ELMO1: variants seen among roughly 807,000 people sequenced by gnomAD.
The protein encoded by ELMO1 is engulfment and cell motility 1.
A neutral mutation model predicts 98.9 loss-of-function variants in ELMO1; 26 were observed. The ratio of observed to expected loss-of-function variants is 0.26; its 90% CI spans 0.19 to 0.36. The LOEUF (loss-of-function observed/expected upper bound fraction) is 0.36. ELMO1 is among the 10% of genes least tolerant of loss of function. The pLI is 1.00. For synonymous variants in ELMO1, 346 were observed against 346.0 expected (o/e 1.00, Z 0.00); for missense variants, 627 against 935.2 (o/e 0.67, Z 4.30).
chr7:37,398,316 T>G (rs78541951), intron 1 of ELMO1, among the ~76,000 whole-genome samples: 14,500 of 152,232 alleles, frequency 0.095, 751 homozygotes, highest in Non-Finnish European at 0.11. Context: ...CCTTCCTATC[T>G]TCAAAAACAT....
At chr7:37,357,456 G>C (rs1801537160) in intron 1 of ELMO1, among the ~76,000 whole-genome samples, 1 of 152,224 alleles carries the variant, frequency 6.6e-6, no homozygotes, top group East Asian at 1.9e-4. Context: ...TGGAGACTAA[G>C]ACATAATGAT....
intron 17 of ELMO1, among the ~76,000 whole-genome samples, chr7:36,888,994 T>G (rs1805295166): frequency 6.6e-6 from 1 of 152,246 alleles, no homozygotes; most frequent in South Asian, 2.1e-4. Flanking sequence ...ATTCCCATCA[T>G]TCCCATCTTA....
intron 14 of ELMO1, among the ~76,000 whole-genome samples, chr7:37,109,699 T>G: frequency 6.6e-6 from 1 of 152,162 alleles, no homozygotes; most frequent in African/African-American, 2.4e-5. Context: ...CCTTCATTCT[T>G]ATTGGTTAAC....
intron 15 of ELMO1, among the ~76,000 whole-genome samples, chr7:37,093,405 G>A (rs1007686659): frequency 6.6e-6 from 1 of 152,140 alleles, no homozygotes; most frequent in Non-Finnish European, 1.5e-5. Context: ...TTTTAATTGA[G>A]TACTTCTTTG....
At chr7:37,338,561 C>T (rs1583581554) in intron 2 of ELMO1, among the ~76,000 whole-genome samples, 1 of 152,180 alleles carries the variant, frequency 6.6e-6, no homozygotes, top group Non-Finnish European at 1.5e-5. Flanking sequence ...GGAACTAAAA[C>T]AAGTGCTCAC....
chr7:37,018,863 T>C (rs1299389146), intron 15 of ELMO1, among the ~76,000 whole-genome samples: 2 of 152,184 alleles, frequency 1.3e-5, no homozygotes, highest in Non-Finnish European at 2.9e-5. Context: ...CTCAGCACAT[T>C]ATATAGCCTC....
At chr7:36,886,424 G>A (rs1805015867) in intron 18 of ELMO1, among the ~76,000 whole-genome samples, 1 of 152,172 alleles carries the variant, frequency 6.6e-6, no homozygotes, top group Non-Finnish European at 1.5e-5. Context: ...AATGGCCGGG[G>A]GATGAGTTCA....
intron 20 of ELMO1, among the ~76,000 whole-genome samples, chr7:36,862,576 G>A (rs1462647652): frequency 2.0e-5 from 3 of 152,194 alleles, no homozygotes; most frequent in Non-Finnish European, 4.4e-5. Flanking sequence ...TGGGTAAGAC[G>A]ATCATTCTAG....
At chr7:37,346,983 G>A (rs139581033) in intron 1 of ELMO1, among the ~76,000 whole-genome samples, 114 of 152,286 alleles carry the variant, frequency 7.5e-4, no homozygotes, top group African/African-American at 2.6e-3. Context: ...CATTGAGAGA[G>A]CAAAGGAGCA....
intron 13 of ELMO1, among the ~76,000 whole-genome samples, chr7:37,209,735 G>A (rs1319012231): frequency 1.3e-5 from 2 of 152,038 alleles, no homozygotes; most frequent in Non-Finnish European, 2.9e-5. Flanking sequence ...CTGGACCATC[G>A]CTCTGGCAGA....
chr7:37,259,230 T>G lies in ELMO1; in HGVS notation c.364A>C (p.Asn122His), dbSNP rs1182124804. Residue 122 changes from asparagine to histidine, a missense_variant, in exon 6 of 22, where the codon AAC (asparagine) becomes CAC (histidine). Physicochemically the swap from Asn to His is moderately conservative, Grantham distance 68. Coordinates refer to ENST00000310758, the MANE Select transcript of ELMO1 (RefSeq NM_014800.11). ...RDVTFAQEFINLDGISLLTQM... is the reference protein window; with the variant it reads ...RDVTFAQEFIHLDGISLLTQM... ...GTGAGGAGAGAGATACCGTCCAGGT[T>G]TATAAACTCCTGGGCAAACGTGACA... The G allele has an allele frequency of 1.9e-6, 3 of 1,614,070 alleles. No individual in the cohort carries two copies. Among genetic ancestry groups the G allele is most frequent in the Non-Finnish European group, 2.5e-6 (3 of 1,179,986 alleles).
At chr7:37,202,342 G>A (rs1287647158) in intron 13 of ELMO1, among the ~76,000 whole-genome samples, 1 of 152,184 alleles carries the variant, frequency 6.6e-6, no homozygotes, top group Non-Finnish European at 1.5e-5. Flanking sequence ...AAAATTAAGT[G>A]AATGTCAAAA....
chr7:37,093,242 C>T (rs565420709), intron 15 of ELMO1, among the ~76,000 whole-genome samples: 3 of 151,850 alleles, frequency 2.0e-5, no homozygotes, highest in East Asian at 3.9e-4. Flanking sequence ...ATTAATTGAA[C>T]ATTAATATGT....
chr7:36,946,957 T>C (rs899316576), intron 16 of ELMO1, among the ~76,000 whole-genome samples: 2 of 152,252 alleles, frequency 1.3e-5, no homozygotes, highest in African/African-American at 4.8e-5. Context: ...TAATTGTCAA[T>C]TTATCTTTTT....
chr7:37,267,044 C>T (rs201245153), intron 5 of ELMO1, among the ~76,000 whole-genome samples: 12,318 of 44,476 alleles, frequency 0.28, 1,979 homozygotes, highest in African/African-American at 0.47. Context: ...TATATACACA[C>T]ACACACACAC....
Position 36,853,783 on chromosome 7 carries a change from A to G in ELMO1, c.*1768T>C, listed in dbSNP as rs147446421. Among the ~76,000 whole-genome samples the G allele has an allele frequency of 3.3e-5, 5 of 152,284 alleles. No individual in the cohort carries two copies. Among genetic ancestry groups the G allele is most frequent in the Middle Eastern group, 3.4e-3 (1 of 294 alleles). ...TGGCTGGTGCTGTGCCACGCTTAAT[A>G]CTGCATGCTTGGACCCTTCTGACAT... On this transcript the variant is annotated 3_prime_UTR_variant, in exon 22 of 22. Coordinates refer to ENST00000310758, the MANE Select transcript of ELMO1 (RefSeq NM_014800.11).
At chr7:37,263,921 A>G (rs1323452846) in intron 5 of ELMO1, among the ~76,000 whole-genome samples, 2 of 152,198 alleles carry the variant, frequency 1.3e-5, no homozygotes, top group African/African-American at 4.8e-5. Context: ...TCGGAGATGG[A>G]TGTGTGGTAC....
intron 14 of ELMO1, among the ~76,000 whole-genome samples, chr7:37,127,904 T>C (rs747151862): frequency 6.6e-6 from 1 of 152,098 alleles, no homozygotes; most frequent in Admixed American, 6.6e-5. Context: ...ATCAAGAACA[T>C]AAATTTGGCT....
chr7:36,875,798 C>T (rs561510366), intron 19 of ELMO1, among the ~76,000 whole-genome samples: 47 of 152,260 alleles, frequency 3.1e-4, no homozygotes, highest in African/African-American at 1.1e-3. Context: ...GGAACTGCCC[C>T]TACACAAGGC....
Sources: gnomAD v4.1 joint callset for allele counts (sites outside exome capture counted in the v4.1 genomes callset) on GRCh38, gnomAD v4.1.1 for gene constraint, MANE v1.5 for transcripts, NCBI Gene and HGNC (gene_info 2026-07-23, HGNC 2026-07-21) for gene names.